The following NTRK1 variants were observed in gnomAD, a reference collection of about 807,000 sequenced individuals.
The protein encoded by NTRK1 is high affinity nerve growth factor receptor.
NTRK1 carries 62 observed loss-of-function variants against 86.8 expected under a neutral mutation model. The observed-to-expected ratio is 0.71, with a 90% CI of 0.58 to 0.88. NTRK1 has a LOEUF of 0.88. Among genes scored for constraint, NTRK1 ranks in the 40% least tolerant of loss-of-function variants. NTRK1 has a pLI of 0.00. For missense variants in NTRK1, 967 were observed against 1,078.4 expected, an observed-to-expected ratio of 0.90 and a Z score of 1.45; for synonymous variants, 469 against 456.6, an observed-to-expected ratio of 1.03 and a Z score of -0.35.
At chr1:156,841,540 C>G (rs1476884482) in intron 1 of NTRK1, 2 of 1,613,882 alleles carry the variant, frequency 1.2e-6, no homozygotes, top group African/African-American at 2.7e-5. Context: ...TGGGGGCATG[C>G]AGGAGCTCCT....
chr1:156,858,869 G>A (rs1260488861), upstream of NTRK1: 1 of 548,226 alleles, frequency 1.8e-6, no homozygotes, highest in South Asian at 2.2e-5. Context: ...GAGAGATGGG[G>A]ACAGAGATGC....
chr1:156,862,766 C>A (rs1183802862), intron 1 of NTRK1, among the ~76,000 whole-genome samples: 1 of 152,192 alleles, frequency 6.6e-6, no homozygotes, highest in Non-Finnish European at 1.5e-5. Context: ...CCACTGCATT[C>A]TCACCCCCTC....
At position 156,881,462 on chromosome 1, in the gene NTRK1, C is replaced by T. The variant is rs1041189894; in HGVS notation, c.2211C>T (p.Ile737=). The change falls in exon 17 of 17, where the codon ATC becomes ATT. Residue 737 remains isoleucine (I), a synonymous_variant. Transcript: ENST00000524377. Reference sequence around the variant, plus strand: ...TGTCTCTCCGGTGGCCCCAGGCAATCGACTGCATCACGCAGGGACGTGAGT... The same window carrying T: ...TGTCTCTCCGGTGGCCCCAGGCAATTGACTGCATCACGCAGGGACGTGAGT... ...PWYQLSNTEA[I]DCITQGRELE... The T allele has an allele frequency of 2.7e-5, 42 of 1,566,928 alleles. No homozygotes were observed. Among genetic ancestry groups the T allele is most frequent in the South Asian group, 9.4e-5 (8 of 85,248 alleles).
intron 2 of NTRK1, chr1:156,844,223 G>A (rs760327047): frequency 1.3e-5 from 21 of 1,613,990 alleles, no homozygotes; most frequent in Middle Eastern, 3.3e-4. Context: ...GATGAGCAGC[G>A]TGAGCCCCAC....
chr1:156,871,787 C>T (rs756653367), intron 7 of NTRK1, 32 bp downstream of exon 7: 1 of 1,613,746 alleles, frequency 6.2e-7, no homozygotes, highest in Non-Finnish European at 8.5e-7. Flanking sequence ...GGCACCCACC[C>T]CCTACTCATC....
chr1:156,873,735 A>G lies in NTRK1; in HGVS notation c.953A>G (p.Asn318Ser), dbSNP rs532851293. The change falls in exon 8 of 17, where the codon AAT (asparagine) becomes AGT (serine). Residue 318 changes from asparagine (N) to serine (S), a missense_variant. Transcript: ENST00000524377. Reference protein sequence around the residue: ...QPAPSLRWLFNGSVLNETSFI... With the variant: ...QPAPSLRWLFSGSVLNETSFI... ...GCACCGTCTCTGCGCTGGCTCTTCA[A>G]TGGCTCCGTGCTCAATGAGACCAGC... 9.9e-6 allele frequency: 16 copies of G among 1,612,998 alleles called. No homozygotes were observed. The highest frequency in any genetic ancestry group is 6.7e-5 in the East Asian group (3 of 44,868).
At chr1:156,859,554 G>A (rs1655533823), upstream of NTRK1, among the ~76,000 whole-genome samples, 2 of 152,094 alleles carry the variant, frequency 1.3e-5, no homozygotes, top group African/African-American at 4.8e-5. This position sits in a 1 kb window ranked among gnomAD's most constrained non-coding sequence, Gnocchi z 6.2. Context: ...CCTCCTAGGA[G>A]GCCTCCTTGT....
chr1:156,843,809 T>A (rs1372599746), intron 2 of NTRK1, among the ~76,000 whole-genome samples: 1 of 152,184 alleles, frequency 6.6e-6, no homozygotes, highest in Non-Finnish European at 1.5e-5. Flanking sequence ...CTGGAACACA[T>A]CCCCAGGCCT....
intron 4 of NTRK1, among the ~76,000 whole-genome samples, chr1:156,867,648 C>CTTTTCT (rs200106024): frequency 6.7e-6 from 1 of 148,804 alleles, no homozygotes; most frequent in African/African-American, 2.5e-5. Flanking sequence ...CTTTTCTTTT[C>CTTTTCT]TTTCTTTCTT....
chr1:156,843,317 G>C, intron 2 of NTRK1: 1 of 1,564,376 alleles, frequency 6.4e-7, no homozygotes. Flanking sequence ...CTCTTCTGAA[G>C]GGCTCTTGTC....
intron 5 of NTRK1, 71 bp from the exon 6 acceptor site, chr1:156,868,433 GC>G: frequency 6.5e-7 from 1 of 1,546,888 alleles, no homozygotes. Context: ...GGAAGGAGCA[GC>G]CCCGCAGTAG....
chr1:156,881,521 A>G lies in NTRK1; in HGVS notation c.2270A>G (p.Tyr757Cys), dbSNP rs1648258745. ...ERPRACPPEVYAIMRGCWQRE... is the reference protein window; with the variant it reads ...ERPRACPPEVCAIMRGCWQRE... ...CCACGTGCCTGCCCACCAGAGGTCT[A>G]CGCCATCATGCGGGGCTGCTGGCAG... is the stretch of plus-strand genomic sequence containing the variant. The change falls in exon 17 of 17, where the codon TAC (tyrosine) becomes TGC (cysteine). Residue 757 changes from tyrosine (Y) to cysteine (C), a missense_variant. Physicochemically the swap from Tyr to Cys is radical, Grantham distance 194 (BLOSUM62 -2). Transcript: ENST00000524377. 1 of 1,601,006 alleles carries G rather than the reference A, an allele frequency of 6.2e-7. No individual in the cohort carries two copies. The highest frequency in any genetic ancestry group is 1.7e-5 in the Admixed American group (1 of 58,184).
intron 1 of NTRK1, among the ~76,000 whole-genome samples, chr1:156,861,711 C>T (rs1375965683): frequency 1.3e-5 from 2 of 152,112 alleles, no homozygotes; most frequent in African/African-American, 4.8e-5. Context: ...CCCCAGAACC[C>T]GTTGATTTGG....
At position 156,876,221 on chromosome 1, in the gene NTRK1, GC is replaced by G; in HGVS notation, c.1632+15del. On this transcript the variant is annotated intron_variant, in intron 13 of 16. Transcript: ENST00000524377. ...CTGGTGGCTGTCAAGGTGAGACCCTGCCCCGGGGGGTACTGCTGGCCTGGGT... is the reference window on the plus strand; with the variant it reads ...CTGGTGGCTGTCAAGGTGAGACCCTGCCCGGGGGGTACTGCTGGCCTGGGT... 6.2e-7 allele frequency: 1 copy of G among 1,613,786 alleles called. No individual in the cohort carries two copies. Among genetic ancestry groups the G allele is most frequent in the South Asian group, 1.1e-5 (1 of 91,064 alleles).
chr1:156,864,858 T>C (rs1655854260), intron 3 of NTRK1, 59 bp downstream of exon 3: 2 of 1,533,154 alleles, frequency 1.3e-6, no homozygotes, highest in South Asian at 2.3e-5. Context: ...CTTGGGCTGC[T>C]AATGGGCTTG....
chr1:156,843,242 A>G (rs1654865808), intron 2 of NTRK1: 1 of 1,613,238 alleles, frequency 6.2e-7, no homozygotes, highest in Non-Finnish European at 8.5e-7. Context: ...CACTGCAAGG[A>G]GGTGGAGGGT....
At chr1:156,860,766 C>A, upstream of NTRK1, 1 of 1,232,976 alleles carries the variant, frequency 8.1e-7, no homozygotes, top group Non-Finnish European at 1.0e-6. Context: ...GAGTAGGAAG[C>A]GGGTGGAGAA....
In NTRK1 at chr1:156,815,760, C is replaced by T. The variant is rs575068011; in HGVS notation, c.-142C>T. The T allele has an allele frequency of 2.3e-5, 36 of 1,584,162 alleles. No individual in the cohort carries two copies. In the African/African-American group the frequency reaches 4.7e-4, roughly 21 times the overall value. On this transcript the variant is annotated 5_prime_UTR_variant, in exon 1 of 17. Coordinates refer to the NTRK1 transcript ENST00000392302. ...GGGACTCAATGCACTGCACCCTGGT[C>T]ATCTGCGGACTCAGCCTGAGCTTCC...
rs761731236 is a variant in NTRK1 at position 156,844,777 on chromosome 1, C to A, written c.50+2584C>A. On this transcript the variant is annotated intron_variant, in intron 2 of 16. Transcript: ENST00000392302. ...GTTGGGGTCTGGTGGCTCGAGCCAGCGCAGAAGGACACTGTTCTTGCTGGA... is the reference window on the plus strand; with the variant it reads ...GTTGGGGTCTGGTGGCTCGAGCCAGAGCAGAAGGACACTGTTCTTGCTGGA... 4 of 1,614,130 alleles carry A rather than the reference C, an allele frequency of 2.5e-6. No individual in the cohort carries two copies. The highest frequency in any genetic ancestry group is 3.4e-6 in the Non-Finnish European group (4 of 1,180,046).
Sources: gnomAD v4.1 joint callset for allele counts (sites outside exome capture counted in the v4.1 genomes callset) on GRCh38, gnomAD v4.1.1 for gene constraint, Gnocchi (gnomAD v3.1) non-coding constraint, MANE v1.5 for transcripts, NCBI Gene and HGNC (gene_info 2026-07-23, HGNC 2026-07-21) for gene names.